The following NIM1K variants were observed in gnomAD, a reference collection of about 807,000 sequenced individuals.
NIM1K encodes serine/threonine-protein kinase NIM1.
In NIM1K, 35 loss-of-function variants were observed where a neutral mutation model predicts 37.1. The observed-to-expected ratio is 0.94, with a 90% CI of 0.72 to 1.25. NIM1K has a LOEUF of 1.25. Ranked by LOEUF, NIM1K falls within the 50% of genes most tolerant of loss-of-function variation. The pLI is 0.00. For synonymous variants in NIM1K, 234 were observed against 206.6 expected (o/e 1.13, Z -1.14); for missense variants, 564 against 548.0 (o/e 1.03, Z -0.29).
chr5:43,233,111 C>T (rs951291870), intron 1 of NIM1K: 2 of 1,345,476 alleles, frequency 1.5e-6, no homozygotes, highest in Non-Finnish European at 2.1e-6. Context: ...CAGTAGGGCT[C>T]CCAGCAGGCA....
intron 1 of NIM1K, among the ~76,000 whole-genome samples, chr5:43,201,123 TC>T (rs1277650230): frequency 1.5e-4 from 15 of 101,986 alleles, no homozygotes; most frequent in Admixed American, 8.5e-4. Flanking sequence ...AGACAACATC[TC>T]AAAAAAAAAA....
At chr5:43,231,147 A>G (rs1362815662) in intron 1 of NIM1K, among the ~76,000 whole-genome samples, 2 of 152,168 alleles carry the variant, frequency 1.3e-5, no homozygotes, top group Non-Finnish European at 2.9e-5. Context: ...GTGAGACACC[A>G]TCTCTACAAA....
At chr5:43,233,902 G>A (rs563800279) in intron 1 of NIM1K, among the ~76,000 whole-genome samples, 7 of 152,282 alleles carry the variant, frequency 4.6e-5, no homozygotes, top group African/African-American at 1.7e-4. Context: ...GTATCTTAAT[G>A]CTATTCCTTT....
chr5:43,275,977 T>A (rs1561096394), intron 2 of NIM1K, among the ~76,000 whole-genome samples: 1 of 150,478 alleles, frequency 6.6e-6, no homozygotes, highest in Non-Finnish European at 1.5e-5. Context: ...CTCGGCTCAC[T>A]GCAACCTCTG....
chr5:43,207,073 G>A (rs1056135945), intron 1 of NIM1K: 19 of 720,168 alleles, frequency 2.6e-5, no homozygotes, highest in Non-Finnish European at 4.1e-5. Flanking sequence ...CATTACCTAT[G>A]GGCGCCTGGT....
intron 1 of NIM1K, among the ~76,000 whole-genome samples, chr5:43,213,935 CTCTT>C (rs70994609): frequency 6.7e-6 from 1 of 149,628 alleles, no homozygotes; most frequent in Non-Finnish European, 1.5e-5. Context: ...AGCTCTTTCT[CTCTT>C]TCTTTCTTTC....
chr5:43,211,714 T>G (rs1346518606), intron 1 of NIM1K, among the ~76,000 whole-genome samples: 1 of 152,172 alleles, frequency 6.6e-6, no homozygotes, highest in African/African-American at 2.4e-5. Flanking sequence ...CTTGAGGAGC[T>G]TTCTAGACCA....
At chr5:43,223,845 T>C (rs1156371748) in intron 1 of NIM1K, among the ~76,000 whole-genome samples, 2 of 152,322 alleles carry the variant, frequency 1.3e-5, no homozygotes, top group East Asian at 3.9e-4. Flanking sequence ...CTTTGGCAGA[T>C]CAATGGGCTC....
At chr5:43,200,124 C>T (rs1278748274) in intron 1 of NIM1K, among the ~76,000 whole-genome samples, 2 of 152,026 alleles carry the variant, frequency 1.3e-5, no homozygotes, top group African/African-American at 4.8e-5. Context: ...CTGCCCACCT[C>T]GGCCTCCCAA....
At chr5:43,273,333 A>C (rs902078920) in intron 2 of NIM1K, among the ~76,000 whole-genome samples, 1 of 151,764 alleles carries the variant, frequency 6.6e-6, no homozygotes, top group African/African-American at 2.4e-5. Flanking sequence ...CCTCCCAAGT[A>C]GCCAGAATTA....
chr5:43,216,890 G>A (rs1175592582), intron 1 of NIM1K, among the ~76,000 whole-genome samples: 1 of 152,174 alleles, frequency 6.6e-6, no homozygotes. Flanking sequence ...AGGATTTTGG[G>A]AGCCGCTGGA....
intron 1 of NIM1K, among the ~76,000 whole-genome samples, chr5:43,196,026 G>A (rs374794845): frequency 6.6e-6 from 1 of 152,092 alleles, no homozygotes; most frequent in African/African-American, 2.4e-5. Context: ...TAGCAAAATC[G>A]TGTGACTTGG....
chr5:43,235,232 A>G (rs756092667), intron 1 of NIM1K, among the ~76,000 whole-genome samples: 50 of 152,248 alleles, frequency 3.3e-4, no homozygotes, highest in Non-Finnish European at 5.4e-4. Flanking sequence ...CACAAATCTA[A>G]ATTAATTATC....
intron 2 of NIM1K, among the ~76,000 whole-genome samples, chr5:43,257,908 A>C (rs1055007063): frequency 2.6e-5 from 4 of 152,034 alleles, no homozygotes. Context: ...ACCAAAACCA[A>C]AACCAAAAAA....
intron 1 of NIM1K, among the ~76,000 whole-genome samples, chr5:43,213,242 C>G (rs1752241685): frequency 1.3e-4 from 16 of 122,792 alleles, no homozygotes; most frequent in Admixed American, 8.5e-5. Flanking sequence ...TTCTTCCTTT[C>G]TTTCTTTCTT....
At chr5:43,273,685 A>G (rs1753293295) in intron 2 of NIM1K, among the ~76,000 whole-genome samples, 1 of 152,102 alleles carries the variant, frequency 6.6e-6, no homozygotes. Context: ...GCTTTTCCAG[A>G]ACAGTGGGTT....
chr5:43,225,707 T>G (rs1752448165), intron 1 of NIM1K: 1 of 155,240 alleles, frequency 6.4e-6, no homozygotes, highest in Non-Finnish European at 1.5e-5. Context: ...TCCATCCACA[T>G]CCCAGGATGT....
intron 1 of NIM1K, among the ~76,000 whole-genome samples, chr5:43,239,393 A>C: frequency 6.6e-6 from 1 of 151,856 alleles, no homozygotes; most frequent in Non-Finnish European, 1.5e-5. Context: ...GCCCGCCACC[A>C]TGCCGGGTTA....
intron 1 of NIM1K, chr5:43,232,185 C>A: frequency 1.0e-6 from 1 of 983,380 alleles, no homozygotes; most frequent in Non-Finnish European, 1.6e-6. Context: ...GCAATGGCAG[C>A]ATTGACGTCT....
Sources: gnomAD v4.1 joint callset for allele counts (sites outside exome capture counted in the v4.1 genomes callset) on GRCh38, gnomAD v4.1.1 for gene constraint, MANE v1.5 for transcripts, NCBI Gene and HGNC (gene_info 2026-07-23, HGNC 2026-07-21) for gene names.